Variants in ESR1 observed in about 807,000 individuals in gnomAD.
ESR1 encodes estrogen receptor 1.
ESR1 carries 12 observed loss-of-function variants against 52.7 expected under a neutral mutation model. The observed-to-expected ratio is 0.23, with a 90% confidence interval of 0.15 to 0.37. The LOEUF (loss-of-function observed/expected upper bound fraction) is 0.37, where lower values mean the gene tolerates loss of function less well. Ranked by LOEUF, ESR1 falls within the 10% of genes least tolerant of loss-of-function variation. ESR1 has a pLI of 1.00. For missense variants in ESR1, 584 were observed against 779.7 expected (o/e 0.75, Z 2.99); for synonymous variants, 305 against 316.8 (o/e 0.96, Z 0.39).
chr6:152,011,909 T>C (rs886597742), intron 5 of ESR1, 115 bp downstream of exon 5: 8 of 1,190,802 alleles, frequency 6.7e-6, no homozygotes, highest in Admixed American at 4.1e-5. Context: ...TAGGTATGTT[T>C]ACTTAACAAA....
intron 3 of ESR1, among the ~76,000 whole-genome samples, chr6:151,883,348 G>A (rs1562510172): frequency 6.6e-6 from 1 of 150,764 alleles, no homozygotes; most frequent in Non-Finnish European, 1.5e-5. Context: ...GGCTGGTCTT[G>A]AACTCTTGAC....
intron 6 of ESR1, among the ~76,000 whole-genome samples, chr6:152,073,718 A>G (rs1284756441): frequency 6.6e-6 from 1 of 152,180 alleles, no homozygotes; most frequent in East Asian, 1.9e-4. Context: ...GCACTGGGCC[A>G]GAAGTGAGGG....
chr6:152,123,690 A>G (rs2052280726), intron 6 of ESR1, among the ~76,000 whole-genome samples: 1 of 152,218 alleles, frequency 6.6e-6, no homozygotes, highest in South Asian at 2.1e-4. Context: ...TACAACATTG[A>G]ATGAACAAAA....
chr6:151,854,015 C>G (rs978212633), intron 2 of ESR1, among the ~76,000 whole-genome samples: 1 of 152,150 alleles, frequency 6.6e-6, no homozygotes, highest in Non-Finnish European at 1.5e-5. Flanking sequence ...AACCATGGTT[C>G]GTGGCCTAAT....
intron 2 of ESR1, among the ~76,000 whole-genome samples, chr6:151,785,668 T>G (rs148291073): frequency 6.6e-6 from 1 of 152,300 alleles, no homozygotes; most frequent in Non-Finnish European, 1.5e-5. Flanking sequence ...TCCTGTCAAT[T>G]TTAATGACAC....
intron 2 of ESR1, among the ~76,000 whole-genome samples, chr6:151,714,187 G>A (rs1349415621): frequency 6.6e-6 from 1 of 152,216 alleles, no homozygotes; most frequent in African/African-American, 2.4e-5. Context: ...TAATTTGATT[G>A]CAGTGTGGTC....
At chr6:151,683,935 C>T (rs188191167) in intron 1 of ESR1, among the ~76,000 whole-genome samples, 1 of 145,842 alleles carries the variant, frequency 6.9e-6, no homozygotes, top group East Asian at 2.0e-4. Context: ...TGGTTTCGAA[C>T]TCCTGAGCTC....
At chr6:151,949,647 C>T (rs1056271784) in intron 4 of ESR1, among the ~76,000 whole-genome samples, 1 of 152,248 alleles carries the variant, frequency 6.6e-6, no homozygotes, top group Non-Finnish European at 1.5e-5. Flanking sequence ...CCCCTCTGGA[C>T]TGGCAATATG....
rs965175602 is a variant in ESR1, at chr6:151,909,966, C to A, written c.760+29195C>A. ...AAATCTAATCATAAGAATCTATGAG[C>A]GTGGAGACAGAAGGACCAAAGAAGG... On this transcript the variant is annotated intron_variant, in intron 3 of 7. Transcript: ENST00000206249. 2.6e-5 allele frequency among the ~76,000 whole-genome samples: 4 copies of A among 151,954 alleles called. No homozygotes were observed. In the East Asian group the frequency reaches 5.8e-4, roughly 22 times the overall value.
chr6:151,964,569 A>T lies in ESR1; in HGVS notation c.1096+20061A>T, dbSNP rs538875095. On this transcript the variant is annotated intron_variant, in intron 4 of 7. Transcript: ENST00000206249. ...TTTATCAGGTTTTAACAGTTTTTTGATAAAAGTTTTGGTGTTTTCTGTATA... is the reference window on the plus strand; with the variant it reads ...TTTATCAGGTTTTAACAGTTTTTTGTTAAAAGTTTTGGTGTTTTCTGTATA... 2.0e-5 allele frequency among the ~76,000 whole-genome samples: 3 copies of T among 151,796 alleles called. No individual in the cohort carries two copies. In the South Asian group the frequency reaches 6.2e-4, roughly 32 times the overall value.
intron 1 of ESR1, among the ~76,000 whole-genome samples, chr6:151,692,587 A>G (rs1262910885): frequency 6.6e-6 from 1 of 152,176 alleles, no homozygotes; most frequent in Non-Finnish European, 1.5e-5. Flanking sequence ...CACCTCTATC[A>G]GGAGAGGGTC....
chr6:151,998,007 G>T (rs1326780163), intron 4 of ESR1, among the ~76,000 whole-genome samples: 1 of 152,086 alleles, frequency 6.6e-6, no homozygotes, highest in African/African-American at 2.4e-5. Flanking sequence ...CTATACGTTA[G>T]CTTTTGGTTA....
At chr6:152,014,950 C>T (rs531692040) in intron 5 of ESR1, among the ~76,000 whole-genome samples, 1 of 152,158 alleles carries the variant, frequency 6.6e-6, no homozygotes, top group East Asian at 1.9e-4. Context: ...GCCTGTAATC[C>T]CAGCTACCCG....
chr6:151,833,532 C>T (rs1204758690), intron 1 of ESR1, among the ~76,000 whole-genome samples: 2 of 152,026 alleles, frequency 1.3e-5, no homozygotes, highest in African/African-American at 2.4e-5. Context: ...GTGTGGCAGG[C>T]ATGGATTTGG....
chr6:151,936,867 A>C (rs773206594), intron 3 of ESR1, among the ~76,000 whole-genome samples: 10 of 152,158 alleles, frequency 6.6e-5, no homozygotes, highest in Non-Finnish European at 1.5e-4. Context: ...GGCCAAATGA[A>C]TGGCACAGGA....
chr6:152,060,908 T>A (rs2128956962), intron 5 of ESR1, 83 bp from the exon 6 acceptor site: 1 of 1,127,434 alleles, frequency 8.9e-7, no homozygotes. Context: ...TTTTTATGAA[T>A]GTGAACCCTT....
chr6:151,800,932 A>AGCTGAAAG (rs1332146945), upstream of ESR1, among the ~76,000 whole-genome samples: 3 of 152,034 alleles, frequency 2.0e-5, no homozygotes, highest in South Asian at 2.1e-4. Flanking sequence ...CGGAAGAAAG[A>AGCTGAAAG]GCTGAAAGGC....
intron 2 of ESR1, among the ~76,000 whole-genome samples, chr6:151,776,854 G>GGAAAA (rs1000405244): frequency 2.0e-5 from 3 of 150,828 alleles, no homozygotes; most frequent in African/African-American, 4.9e-5. Context: ...AAAAAAAAAA[G>GGAAAA]GAAAAGAAAA....
At chr6:151,991,581 C>T (rs1041159442) in intron 4 of ESR1, among the ~76,000 whole-genome samples, 1 of 151,998 alleles carries the variant, frequency 6.6e-6, no homozygotes, top group South Asian at 2.1e-4. Context: ...TCCTGAGTTA[C>T]CTTAGGAAGA....
Sources: gnomAD v4.1 joint callset for allele counts (sites outside exome capture counted in the v4.1 genomes callset) on GRCh38, gnomAD v4.1.1 for gene constraint, MANE v1.5 for transcripts, NCBI Gene and HGNC (gene_info 2026-07-23, HGNC 2026-07-21) for gene names.